Variants in FRMPD3 observed in about 807,000 individuals in gnomAD.
FRMPD3 encodes FERM and PDZ domain-containing protein 3.
Under a neutral mutation model 97.9 loss-of-function variants are expected in FRMPD3, and 42 were observed. The observed-to-expected ratio is 0.43, with a 90% CI of 0.34 to 0.55. The LOEUF (loss-of-function observed/expected upper bound fraction) is 0.55. Among genes scored for constraint, FRMPD3 ranks in the 20% least tolerant of loss-of-function variants. FRMPD3 has a pLI of 0.03. For missense variants in FRMPD3, 1,303 were observed against 1,457.7 expected (o/e 0.89, Z 1.73); for synonymous variants, 577 against 581.1 (o/e 0.99, Z 0.10).
chrX:107,576,283 T>C, intron 12 of FRMPD3, 32 bp from the exon 13 acceptor site: 1 of 1,201,790 alleles, frequency 8.3e-7, no homozygotes, highest in East Asian at 3.0e-5. Flanking sequence ...CTCCTTCCCA[T>C]GTCTTCATGT....
chrX:107,525,477 T>C lies in FRMPD3; in HGVS notation c.-7-1105T>C, dbSNP rs186132817. On this transcript the variant is annotated intron_variant, in intron 1 of 14. Coordinates refer to ENST00000683843, the MANE Select transcript of FRMPD3 (RefSeq NM_001388459.1). The stretch of plus-strand genomic sequence containing the variant: ...CCTTGATGGAGAACATTTATGAAGC[T>C]TTTGTGGAATTCCTAAGCTTTAGTT... The C allele has an allele frequency of 7.4e-5, 37 of 498,364 alleles. No homozygotes were observed. The Admixed American group carries it at 9.5e-4, about 13-fold the overall frequency. 41.1% of individuals were successfully genotyped at this position (498,364 alleles called of 1,213,427 possible).
intron 13 of FRMPD3, among the ~76,000 whole-genome samples, chrX:107,579,144 G>C (rs1046449495): frequency 3.6e-5 from 4 of 111,920 alleles, no homozygotes; most frequent in Non-Finnish European, 7.5e-5. Context: ...TTTTCCCCCA[G>C]GGTCCAAAGC....
intron 1 of FRMPD3, among the ~76,000 whole-genome samples, chrX:107,522,765 G>A (rs1218610536): frequency 8.9e-6 from 1 of 112,063 alleles, no homozygotes; most frequent in East Asian, 2.8e-4. Context: ...GAAAGGCTAG[G>A]CCTTTACCCA....
chrX:107,506,853 T>A (rs1428769882), intron 1 of FRMPD3, among the ~76,000 whole-genome samples: 1 of 111,968 alleles, frequency 8.9e-6, no homozygotes. Flanking sequence ...GGGCTGGGTT[T>A]CTAAGGCAGG....
chrX:107,510,290 C>G (rs949610403), intron 1 of FRMPD3, among the ~76,000 whole-genome samples: 1 of 110,875 alleles, frequency 9.0e-6, no homozygotes, highest in Admixed American at 9.6e-5. Context: ...TGAGTCAAGT[C>G]TGGGGTCCAT....
chrX:107,494,831 A>G (rs1921737873), intron 1 of FRMPD3, among the ~76,000 whole-genome samples: 1 of 111,933 alleles, frequency 8.9e-6, no homozygotes, highest in African/African-American at 3.3e-5. Flanking sequence ...TGTACTCTTT[A>G]TTCCTTAGGC....
At chrX:107,595,949 A>AG (rs1479232316) in intron 13 of FRMPD3, among the ~76,000 whole-genome samples, 9 of 109,863 alleles carry the variant, frequency 8.2e-5, no homozygotes, top group African/African-American at 3.0e-4. Context: ...AAAAAAAAAA[A>AG]AAAGAAAAGA....
chrX:107,473,329 G>C (rs777929245), intron 1 of FRMPD3, among the ~76,000 whole-genome samples: 75 of 112,300 alleles, frequency 6.7e-4, no homozygotes, highest in African/African-American at 2.3e-3. Flanking sequence ...CCAGGCCCTG[G>C]AACCAGAGAG....
intron 1 of FRMPD3, among the ~76,000 whole-genome samples, chrX:107,460,024 G>A (rs1931443365): frequency 1.8e-5 from 2 of 111,925 alleles, no homozygotes; most frequent in Admixed American, 9.4e-5. Flanking sequence ...GCAGATTTGA[G>A]GCAGGGGTGG....
In FRMPD3 at chrX:107,601,177, C is replaced by A; in HGVS notation, c.3138C>A (p.His1046Gln). 8.3e-7 allele frequency: 1 copy of A among 1,210,339 alleles called. No individual in the cohort carries two copies. Among genetic ancestry groups the A allele is most frequent in the Non-Finnish European group, 1.1e-6 (1 of 895,050 alleles). ...CAGGCAGCCGGGCTGACAGCCTGCA[C>A]CTCTCCCAACAAGAGGACAGTCTGC... Reference protein sequence around the residue: ...APTGSRADSLHLSQQEDSLPV... With the variant: ...APTGSRADSLQLSQQEDSLPV... Residue 1046 changes from histidine (H) to glutamine (Q), a missense_variant, in exon 15 of 15, where the codon CAC becomes CAA. Transcript: ENST00000683843.
rs1924661092 is a variant in FRMPD3 at position 107,603,462 on chromosome X, G to A, written c.*89G>A. 1 of 1,100,018 alleles carries A rather than the reference G, an allele frequency of 9.1e-7. No homozygotes were observed. Among genetic ancestry groups the A allele is most frequent in the Non-Finnish European group, 1.2e-6 (1 of 841,484 alleles). The allele number at this position is 1,100,018 out of a possible 1,213,427, so 90.7% of individuals were successfully genotyped here. A position where few individuals can be genotyped will look rare whatever the true frequency, so the allele number is the denominator to read the frequency against. Reference sequence around the variant, plus strand: ...TGCATCTTGTGGTGAGTGTGTGTGTGTCTGCTGGGCCAGTCAGGGTCCAAG... The same window carrying A: ...TGCATCTTGTGGTGAGTGTGTGTGTATCTGCTGGGCCAGTCAGGGTCCAAG... On this transcript the variant is annotated 3_prime_UTR_variant, in exon 15 of 15. Coordinates refer to ENST00000683843, the MANE Select transcript of FRMPD3 (RefSeq NM_001388459.1).
intron 2 of FRMPD3, among the ~76,000 whole-genome samples, chrX:107,529,521 G>A (rs971057776): frequency 5.4e-5 from 6 of 110,845 alleles, no homozygotes; most frequent in African/African-American, 2.0e-4. Context: ...GGAGGGGCAA[G>A]TTACAGTGAG....
chrX:107,479,835 TACACACACACAC>T (rs72364087), intron 1 of FRMPD3, among the ~76,000 whole-genome samples: 3 of 94,338 alleles, frequency 3.2e-5, no homozygotes, highest in South Asian at 5.7e-4. Flanking sequence ...TTACCATGAT[TACACACACACAC>T]ACACACACAC....
chrX:107,486,453 A>AT (rs1434837955), intron 1 of FRMPD3, among the ~76,000 whole-genome samples: 1 of 111,887 alleles, frequency 8.9e-6, no homozygotes, highest in Non-Finnish European at 1.9e-5. Context: ...TTACATCCAT[A>AT]TTTTTTCTGA....
chrX:107,577,693 C>T (rs1923193141), intron 13 of FRMPD3, among the ~76,000 whole-genome samples: 2 of 110,247 alleles, frequency 1.8e-5, no homozygotes, highest in South Asian at 3.9e-4. Context: ...AGATCTCGAT[C>T]GAGGTGTTTG....
chrX:107,577,947 G>A (rs1393986654), intron 13 of FRMPD3, among the ~76,000 whole-genome samples: 1 of 111,966 alleles, frequency 8.9e-6, no homozygotes, highest in Non-Finnish European at 1.9e-5. Context: ...AGCTGACTTA[G>A]GATAGTAAGA....
At chrX:107,554,338 T>C in intron 7 of FRMPD3, 47 bp from the exon 8 acceptor site, 1 of 1,177,790 alleles carries the variant, frequency 8.5e-7, no homozygotes, top group Non-Finnish European at 1.1e-6. Flanking sequence ...ACCCCAGCCA[T>C]TGATTCCAGA....
intron 1 of FRMPD3, among the ~76,000 whole-genome samples, chrX:107,503,507 C>T (rs1166694863): frequency 8.9e-6 from 1 of 112,162 alleles, no homozygotes; most frequent in African/African-American, 3.2e-5. Flanking sequence ...TATTTTCTAT[C>T]GCCTTCTTTG....
intron 10 of FRMPD3, among the ~76,000 whole-genome samples, chrX:107,562,252 A>G (rs1020767440): frequency 1.1e-4 from 12 of 112,486 alleles, no homozygotes; most frequent in African/African-American, 3.9e-4. Flanking sequence ...CAAGGGGTGA[A>G]GATAGGGGCA....
Sources: allele counts gnomAD v4.1 joint callset (sites outside exome capture counted in the v4.1 genomes callset), GRCh38; gene constraint gnomAD v4.1.1; transcripts MANE v1.5; gene names NCBI Gene and HGNC (gene_info 2026-07-23, HGNC 2026-07-21).